Variants in HNRNPA0 observed in about 807,000 individuals in gnomAD.
HNRNPA0 encodes hnRNA binding protein.
For missense variants in HNRNPA0, 252 were observed against 433.7 expected (o/e 0.58, Z 3.72); for synonymous variants, 243 against 195.5 (o/e 1.24, Z -2.03).
chr5:137,753,515 A>G lies in HNRNPA0; in HGVS notation c.552T>C (p.Gly184=), dbSNP rs759829358. Residue 184 remains glycine, a synonymous_variant, in exon 1 of 1, where the codon GGT becomes GGC. Transcript: ENST00000314940. The surrounding 1 kb of genome is among the most constrained non-coding windows in gnomAD (Gnocchi z 6.1). ...VPKEDIYSGG[G]GGGSRSSRGG... ...CCCGGGAGGATCGGGAGCCGCCTCCACCCCCACCGGAGTAGATATCCTCCT... is the reference window on the plus strand; with the variant it reads ...CCCGGGAGGATCGGGAGCCGCCTCCGCCCCCACCGGAGTAGATATCCTCCT... 44 of 1,605,212 alleles carry G rather than the reference A, an allele frequency of 2.7e-5. No homozygotes were observed. The highest frequency in any genetic ancestry group is 1.9e-5 in the Non-Finnish European group (22 of 1,175,782).
At position 137,753,256 on chromosome 5, in the gene HNRNPA0, C is replaced by CGCCGCT. The variant is rs1554097815; in HGVS notation, c.810_811insAGCGGC (p.Ser270_Gly271insSerGly). Reference sequence around the variant, plus strand: ...CTGCCTCCACCGCCGCCGCCGCCGCCGCTCTTCATGGGCCCATAGGAGGAC... The same window carrying CGCCGCT: ...CTGCCTCCACCGCCGCCGCCGCCGCCGCCGCTGCTCTTCATGGGCCCATAGGAGGAC... On this transcript the variant is annotated inframe_insertion, in exon 1 of 1. Transcript: ENST00000314940. This position sits in a 1 kb window ranked among gnomAD's most constrained non-coding sequence, Gnocchi z 6.1. 5 of 1,609,424 alleles carry CGCCGCT rather than the reference C, an allele frequency of 3.1e-6. No homozygotes were observed. The South Asian group carries it at 5.5e-5, about 18-fold the overall frequency.
rs1292190731 is a variant in HNRNPA0 at position 137,753,053 on chromosome 5, GGT to G, written c.*94_*95del. On this transcript the variant is annotated 3_prime_UTR_variant, in exon 1 of 1. Coordinates refer to ENST00000314940, the MANE Select transcript of HNRNPA0 (RefSeq NM_006805.4). This position sits in a 1 kb window ranked among gnomAD's most constrained non-coding sequence, Gnocchi z 6.1. Reference sequence around the variant, plus strand: ...CCCCCAAGGGCAAAACAGGGAAGGCGGTGTGTGTGAGGGGGTGGGGCTTAGGA... The same window carrying G: ...CCCCCAAGGGCAAAACAGGGAAGGCGGTGTGTGAGGGGGTGGGGCTTAGGA... 37 of 1,328,682 alleles carry G rather than the reference GGT, an allele frequency of 2.8e-5. No homozygotes were observed. In the East Asian group the frequency reaches 6.1e-4, roughly 22 times the overall value. The allele number at this position is 1,328,682 out of a possible 1,614,324, so 82.3% of individuals were successfully genotyped here.
chr5:137,751,638 G>A lies in HNRNPA0; in HGVS notation c.*1511C>T, dbSNP rs1346646473. On this transcript the variant is annotated 3_prime_UTR_variant, in exon 1 of 1. Coordinates refer to ENST00000314940, the MANE Select transcript of HNRNPA0 (RefSeq NM_006805.4). Reference sequence around the variant, plus strand: ...GCTATTCTCTATTTCTATCCAGAAAGGCAATTTTCACCTATTATCACTTTT... The same window carrying A: ...GCTATTCTCTATTTCTATCCAGAAAAGCAATTTTCACCTATTATCACTTTT... 1 of 152,116 alleles carries A rather than the reference G, an allele frequency of 6.6e-6. No homozygotes were observed. The highest frequency in any genetic ancestry group is 1.5e-5 in the Non-Finnish European group (1 of 67,922). 9.4% of individuals were successfully genotyped at this position (152,116 alleles called of 1,614,324 possible). A position where few individuals can be genotyped will look rare whatever the true frequency, so the allele number is the denominator to read the frequency against.
rs974016847 is a variant in HNRNPA0 at position 137,748,730 on chromosome 5, G to T, written c.*4419C>A. 2.0e-5 allele frequency: 3 copies of T among 152,120 alleles called. No individual in the cohort carries two copies. The highest frequency in any genetic ancestry group is 7.2e-5 in the African/African-American group (3 of 41,436). The allele number at this position is 152,120 out of a possible 1,614,324, so 9.4% of individuals were successfully genotyped here. A position where few individuals can be genotyped will look rare whatever the true frequency, so the allele number is the denominator to read the frequency against. On this transcript the variant is annotated 3_prime_UTR_variant, in exon 1 of 1. Transcript: ENST00000314940. ...TGGTCTATTGGATGCCCAAATTTAC[G>T]TCCTTAAGGGCTATGAAATATTAAA... is the stretch of plus-strand genomic sequence containing the variant.
chr5:137,754,305 G>T lies in HNRNPA0; in HGVS notation c.-239C>A. 1 of 541,696 alleles carries T rather than the reference G, an allele frequency of 1.8e-6. No homozygotes were observed. The highest frequency in any genetic ancestry group is 3.3e-6 in the Non-Finnish European group (1 of 305,722). 33.6% of individuals were successfully genotyped at this position (541,696 alleles called of 1,614,324 possible). ...CCGAGGAGACTGGAAGACAACCAAG[G>T]CCACCGCTACCGCCGCCGCCGCCAC... On this transcript the variant is annotated 5_prime_UTR_variant, in exon 1 of 1. Coordinates refer to ENST00000314940, the MANE Select transcript of HNRNPA0 (RefSeq NM_006805.4).
rs940970133 is a variant in HNRNPA0 at position 137,749,448 on chromosome 5, A to G, written c.*3701T>C. On this transcript the variant is annotated 3_prime_UTR_variant, in exon 1 of 1. Coordinates refer to ENST00000314940, the MANE Select transcript of HNRNPA0 (RefSeq NM_006805.4). ...TTCCTTTTTAAATAGCAGCTTTCAA[A>G]TATCTTTTTATAATAAATGTTTTAC... 6.6e-6 allele frequency: 1 copy of G among 152,178 alleles called. No individual in the cohort carries two copies. The highest frequency in any genetic ancestry group is 2.4e-5 in the African/African-American group (1 of 41,434). The allele number at this position is 152,178 out of a possible 1,614,324, so 9.4% of individuals were successfully genotyped here.
chr5:137,749,642 G>T lies in HNRNPA0; in HGVS notation c.*3507C>A. 1 of 152,140 alleles carries T rather than the reference G, an allele frequency of 6.6e-6. No individual in the cohort carries two copies. Among genetic ancestry groups the T allele is most frequent in the East Asian group, 1.9e-4 (1 of 5,200 alleles). The allele number at this position is 152,140 out of a possible 1,614,324, so 9.4% of individuals were successfully genotyped here. A position where few individuals can be genotyped will look rare whatever the true frequency, so the allele number is the denominator to read the frequency against. ...ACTCTTAAAGTGATTCAATAAATTG[G>T]TTACGATGGAGAAAGACACTTAGCC... On this transcript the variant is annotated 3_prime_UTR_variant, in exon 1 of 1. Coordinates refer to ENST00000314940, the MANE Select transcript of HNRNPA0 (RefSeq NM_006805.4).
rs1753442267 is a variant in HNRNPA0 at position 137,748,352 on chromosome 5, C to G, written c.*4797G>C. Reference sequence around the variant, plus strand: ...ATTACAGATGGCTAGCAGAATTCATCTCTCTCCTACTAGAGTTGAAGCAGC... The same window carrying G: ...ATTACAGATGGCTAGCAGAATTCATGTCTCTCCTACTAGAGTTGAAGCAGC... On this transcript the variant is annotated 3_prime_UTR_variant, in exon 1 of 1. Coordinates refer to ENST00000314940, the MANE Select transcript of HNRNPA0 (RefSeq NM_006805.4). 6.6e-6 allele frequency: 1 copy of G among 152,172 alleles called. No homozygotes were observed. Among genetic ancestry groups the G allele is most frequent in the South Asian group, 2.1e-4 (1 of 4,830 alleles). The allele number at this position is 152,172 out of a possible 1,614,324, so 9.4% of individuals were successfully genotyped here.
In HNRNPA0 at chr5:137,747,271, G is replaced by A. The variant is rs1236803465; in HGVS notation, c.*5878C>T. On this transcript the variant is annotated 3_prime_UTR_variant, in exon 1 of 1. Coordinates refer to ENST00000314940, the MANE Select transcript of HNRNPA0 (RefSeq NM_006805.4). Reference sequence around the variant, plus strand: ...CCACCATGAATAAAGCCAGAAAAGAGAGTATGCAGTTCTTTATTTGTCAGC... The same window carrying A: ...CCACCATGAATAAAGCCAGAAAAGAAAGTATGCAGTTCTTTATTTGTCAGC... The A allele has an allele frequency of 1.3e-5, 2 of 152,204 alleles. No individual in the cohort carries two copies. Among genetic ancestry groups the A allele is most frequent in the Non-Finnish European group, 1.5e-5 (1 of 68,028 alleles). 9.4% of individuals were successfully genotyped at this position (152,204 alleles called of 1,614,324 possible). A position where few individuals can be genotyped will look rare whatever the true frequency, so the allele number is the denominator to read the frequency against.
In HNRNPA0 at chr5:137,753,407, G is replaced by A. The variant is rs772150361; in HGVS notation, c.660C>T (p.Tyr220=). Residue 220 remains tyrosine (Y), a synonymous_variant, in exon 1 of 1, where the codon TAC becomes TAT. Coordinates refer to ENST00000314940, the MANE Select transcript of HNRNPA0 (RefSeq NM_006805.4). The surrounding 1 kb of genome is among the most constrained non-coding windows in gnomAD (Gnocchi z 6.1). ...SKGGGGGYNS[Y]GGYGGGGGGG... ...CGCCTCCGCCGCCGCCGTAACCACCGTAGCTGTTGTAACCGCCGCCGCCGC... is the reference window on the plus strand; with the variant it reads ...CGCCTCCGCCGCCGCCGTAACCACCATAGCTGTTGTAACCGCCGCCGCCGC... 8 of 1,548,620 alleles carry A rather than the reference G, an allele frequency of 5.2e-6. No homozygotes were observed. Among genetic ancestry groups the A allele is most frequent in the African/African-American group, 1.4e-5 (1 of 72,912 alleles).
At position 137,754,239 on chromosome 5, in the gene HNRNPA0, G is replaced by A. The variant is rs886751428; in HGVS notation, c.-173C>T. The A allele has an allele frequency of 7.2e-6, 6 of 838,150 alleles. No individual in the cohort carries two copies. The highest frequency in any genetic ancestry group is 1.7e-5 in the African/African-American group (1 of 58,036). 51.9% of individuals were successfully genotyped at this position (838,150 alleles called of 1,614,324 possible). On this transcript the variant is annotated 5_prime_UTR_variant, in exon 1 of 1. Coordinates refer to ENST00000314940, the MANE Select transcript of HNRNPA0 (RefSeq NM_006805.4). ...AAGGGGAGGGAAGGAAGGAAGAGAG[G>A]AAGGGGGAGGGAAGGGGAGCGGTGC...
At position 137,750,377 on chromosome 5, in the gene HNRNPA0, C is replaced by A. The variant is rs1753476864; in HGVS notation, c.*2772G>T. 1 of 152,168 alleles carries A rather than the reference C, an allele frequency of 6.6e-6. No individual in the cohort carries two copies. Among genetic ancestry groups the A allele is most frequent in the African/African-American group, 2.4e-5 (1 of 41,444 alleles). 9.4% of individuals were successfully genotyped at this position (152,168 alleles called of 1,614,324 possible). A position where few individuals can be genotyped will look rare whatever the true frequency, so the allele number is the denominator to read the frequency against. On this transcript the variant is annotated 3_prime_UTR_variant, in exon 1 of 1. Coordinates refer to ENST00000314940, the MANE Select transcript of HNRNPA0 (RefSeq NM_006805.4). The stretch of plus-strand genomic sequence containing the variant: ...TAACAGCCTTTCAAACCACTTTCAA[C>A]TAATGACTACTGAATTTATACTTTT...
In HNRNPA0 at chr5:137,751,117, A is replaced by G. The variant is rs1449347630; in HGVS notation, c.*2032T>C. ...TAAGACAGAAATGTATGGAAAGTGT[A>G]CAACTATTTGAGAGCAAAGGATTTG... On this transcript the variant is annotated 3_prime_UTR_variant, in exon 1 of 1. Transcript: ENST00000314940. 1 of 152,214 alleles carries G rather than the reference A, an allele frequency of 6.6e-6. No homozygotes were observed. The highest frequency in any genetic ancestry group is 1.5e-5 in the Non-Finnish European group (1 of 68,018). The allele number at this position is 152,214 out of a possible 1,614,324, so 9.4% of individuals were successfully genotyped here. A position where few individuals can be genotyped will look rare whatever the true frequency, so the allele number is the denominator to read the frequency against.
chr5:137,754,329 A>C lies in HNRNPA0; in HGVS notation c.-263T>G. 1 of 490,840 alleles carries C rather than the reference A, an allele frequency of 2.0e-6. No homozygotes were observed. The highest frequency in any genetic ancestry group is 3.7e-6 in the Non-Finnish European group (1 of 267,530). 30.4% of individuals were successfully genotyped at this position (490,840 alleles called of 1,614,324 possible). On this transcript the variant is annotated 5_prime_UTR_variant, in exon 1 of 1. Transcript: ENST00000314940. ...GGCCACCGCTACCGCCGCCGCCGCC[A>C]CCTCCGCTCCCCTATCTGGGCACCA...
chr5:137,747,159 G>C lies in HNRNPA0; in HGVS notation c.*5990C>G, dbSNP rs1223836115. 3 of 152,192 alleles carry C rather than the reference G, an allele frequency of 2.0e-5. No individual in the cohort carries two copies. Among genetic ancestry groups the C allele is most frequent in the African/African-American group, 7.2e-5 (3 of 41,438 alleles). The allele number at this position is 152,192 out of a possible 1,614,324, so 9.4% of individuals were successfully genotyped here. ...GCTATAAGAGGGCCACTGGAGCAGAGCTGTGGCCACTCACAATCTCTTGCT... is the reference window on the plus strand; with the variant it reads ...GCTATAAGAGGGCCACTGGAGCAGACCTGTGGCCACTCACAATCTCTTGCT... On this transcript the variant is annotated 3_prime_UTR_variant, in exon 1 of 1. Transcript: ENST00000314940.
In HNRNPA0 at chr5:137,752,968, A is replaced by C. The variant is rs1238035845; in HGVS notation, c.*181T>G. 1.7e-6 allele frequency: 1 copy of C among 585,012 alleles called. No individual in the cohort carries two copies. Among genetic ancestry groups the C allele is most frequent in the Non-Finnish European group, 2.9e-6 (1 of 339,468 alleles). 36.2% of individuals were successfully genotyped at this position (585,012 alleles called of 1,614,324 possible). On this transcript the variant is annotated 3_prime_UTR_variant, in exon 1 of 1. Coordinates refer to ENST00000314940, the MANE Select transcript of HNRNPA0 (RefSeq NM_006805.4). Reference sequence around the variant, plus strand: ...CGAGTCCATCTTCAGAGGGAGAGACAAGAGAGGTGGCAGGCAAATAGAGGA... The same window carrying C: ...CGAGTCCATCTTCAGAGGGAGAGACCAGAGAGGTGGCAGGCAAATAGAGGA...
Position 137,753,596 on chromosome 5 carries a change from C to T in HNRNPA0, c.471G>A (p.Val157=). The T allele has an allele frequency of 6.2e-7, 1 of 1,614,150 alleles. No individual in the cohort carries two copies. Among genetic ancestry groups the T allele is most frequent in the South Asian group, 1.1e-5 (1 of 91,088 alleles). The change falls in exon 1 of 1, where the codon GTG becomes GTA. Residue 157 remains valine, a synonymous_variant. Transcript: ENST00000314940. This position sits in a 1 kb window ranked among gnomAD's most constrained non-coding sequence, Gnocchi z 6.1. ...QNHDAADKAA[V]VKFHPIQGHR... is the part of the protein sequence containing the mutation. The stretch of plus-strand genomic sequence containing the variant: ...GGCCCTGAATCGGATGGAACTTGAC[C>T]ACCGCGGCCTTGTCTGCCGCGTCGT...
At position 137,748,013 on chromosome 5, in the gene HNRNPA0, T is replaced by C. The variant is rs2149946370; in HGVS notation, c.*5136A>G. 1 of 152,178 alleles carries C rather than the reference T, an allele frequency of 6.6e-6. No individual in the cohort carries two copies. The highest frequency in any genetic ancestry group is 1.5e-5 in the Non-Finnish European group (1 of 67,982). The allele number at this position is 152,178 out of a possible 1,614,324, so 9.4% of individuals were successfully genotyped here. A position where few individuals can be genotyped will look rare whatever the true frequency, so the allele number is the denominator to read the frequency against. On this transcript the variant is annotated 3_prime_UTR_variant, in exon 1 of 1. Transcript: ENST00000314940. ...GTCACCAGCTGGGGGTCCTTGGGAG[T>C]TACTTTTCTGGCATGAGATTTAGCA...
rs189472724 is a variant in HNRNPA0 at position 137,749,566 on chromosome 5, C to T, written c.*3583G>A. On this transcript the variant is annotated 3_prime_UTR_variant, in exon 1 of 1. Coordinates refer to ENST00000314940, the MANE Select transcript of HNRNPA0 (RefSeq NM_006805.4). ...TTATTTGACTAGGCAGTCTTTGTTG[C>T]TGTTTCAAAAGGCCAAAATAAGGCT... is the stretch of plus-strand genomic sequence containing the variant. 4 of 152,334 alleles carry T rather than the reference C, an allele frequency of 2.6e-5. No homozygotes were observed. The highest frequency in any genetic ancestry group is 5.9e-5 in the Non-Finnish European group (4 of 68,016). The allele number at this position is 152,334 out of a possible 1,614,324, so 9.4% of individuals were successfully genotyped here. A position where few individuals can be genotyped will look rare whatever the true frequency, so the allele number is the denominator to read the frequency against.
Sources: allele counts gnomAD v4.1 joint callset, GRCh38; gene constraint gnomAD v4.1.1; non-coding constraint Gnocchi (gnomAD v3.1); transcripts MANE v1.5; gene names NCBI Gene and HGNC (gene_info 2026-07-23, HGNC 2026-07-21).